Variants in KRT4 observed in about 807,000 individuals in gnomAD.
KRT4 encodes the protein keratin 4.
Under a neutral mutation model 50.6 loss-of-function variants are expected in KRT4, and 47 were observed. The observed-to-expected ratio is 0.93, with a 90% confidence interval of 0.73 to 1.18. The LOEUF (loss-of-function observed/expected upper bound fraction) is 1.18. Ranked by LOEUF, KRT4 falls within the 50% of genes most tolerant of loss-of-function variation. KRT4 has a pLI of 0.00. For missense variants in KRT4, 651 were observed against 645.7 expected (o/e 1.01, Z -0.09); for synonymous variants, 254 against 251.2 (o/e 1.01, Z -0.10).
chr12:52,810,968 A>G, intron 2 of KRT4, 152 bp from the exon 3 acceptor site: 1 of 683,958 alleles, frequency 1.5e-6, no homozygotes. Flanking sequence ...TATTCATTTA[A>G]CCTATATTCA....
In KRT4 at chr12:52,807,768, G is replaced by A. The variant is rs1939827246; in HGVS notation, c.1222C>T (p.Leu408=). 6.2e-7 allele frequency: 1 copy of A among 1,614,196 alleles called. No individual in the cohort carries two copies. Among genetic ancestry groups the A allele is most frequent in the Non-Finnish European group, 8.5e-7 (1 of 1,180,032 alleles). The change falls in exon 7 of 9, where the codon CTG becomes TTG. Residue 408 remains leucine, a synonymous_variant. Coordinates refer to ENST00000551956, the MANE Select transcript of KRT4 (RefSeq NM_002272.4). ...HSKRVELEAA[L]QQAKEELARM... ...GCCAGCTCCTCCTTGGCCTGCTGCA[G>A]GGCAGCCTCCAGCTCTACGCGCTTG...
At position 52,813,720 on chromosome 12, in the gene KRT4, G is replaced by A. The variant is rs1019943722; in HGVS notation, c.339C>T (p.Thr113=). ...VCPAGGIQEV[T]INQSLLTPLH... is the part of the protein sequence containing the mutation. ...GGGGGGTGAGCAAGCTCTGGTTGATGGTGACCTCCTGAATTCCCCCAGCGG... is the reference window on the plus strand; with the variant it reads ...GGGGGGTGAGCAAGCTCTGGTTGATAGTGACCTCCTGAATTCCCCCAGCGG... The change falls in exon 1 of 9, where the codon ACC becomes ACT. Residue 113 remains threonine, a synonymous_variant. Transcript: ENST00000551956. 8.1e-7 allele frequency: 1 copy of A among 1,234,972 alleles called. No individual in the cohort carries two copies. The highest frequency in any genetic ancestry group is 2.6e-5 in the Admixed American group (1 of 39,000). 76.5% of individuals were successfully genotyped at this position (1,234,972 alleles called of 1,614,324 possible). A position where few individuals can be genotyped will look rare whatever the true frequency, so the allele number is the denominator to read the frequency against.
Position 52,806,791 on chromosome 12 carries a change from T to C in KRT4, c.*278A>G. 1 of 521,276 alleles carries C rather than the reference T, an allele frequency of 1.9e-6. No homozygotes were observed. The highest frequency in any genetic ancestry group is 3.5e-6 in the Non-Finnish European group (1 of 287,328). The allele number at this position is 521,276 out of a possible 1,614,324, so 32.3% of individuals were successfully genotyped here. ...CTGGAGATGACACTCCTGGTCATTT[T>C]CTTCTCTGTCCATGGGAGGTGAGAG... On this transcript the variant is annotated 3_prime_UTR_variant, in exon 9 of 9. Coordinates refer to ENST00000551956, the MANE Select transcript of KRT4 (RefSeq NM_002272.4).
rs926831896 is a variant in KRT4, at chr12:52,808,614, T to A, written c.999+72A>T. On this transcript the variant is annotated intron_variant, in intron 5 of 8. Coordinates refer to ENST00000551956, the MANE Select transcript of KRT4 (RefSeq NM_002272.4). ...ACTTCTATTGGGCTTGAGCTAATGATCACCTGTTCACAGACATCAAAAGCA... is the reference window on the plus strand; with the variant it reads ...ACTTCTATTGGGCTTGAGCTAATGAACACCTGTTCACAGACATCAAAAGCA... The A allele has an allele frequency of 7.7e-6, 12 of 1,556,738 alleles. No individual in the cohort carries two copies. In the African/African-American group the frequency reaches 1.2e-4, roughly 16 times the overall value.
At position 52,812,662 on chromosome 12, in the gene KRT4, T is replaced by TA. The variant is rs370959403; in HGVS notation, c.463-686dup. Among the ~76,000 whole-genome samples, 621 of 152,222 alleles carry TA rather than the reference T, an allele frequency of 4.1e-3. 3 individuals are homozygous for TA. The highest frequency in any genetic ancestry group is 0.014 in the African/African-American group (574 of 41,514). On this transcript the variant is annotated intron_variant, in intron 1 of 8. Transcript: ENST00000551956. Reference sequence around the variant, plus strand: ...CCGATCACATTTTGAACCCAAAAGGTAAAATGAGATGAGATGAGACAAGGA... The same window carrying TA: ...CCGATCACATTTTGAACCCAAAAGGTAAAAATGAGATGAGATGAGACAAGGA...
At chr12:52,812,014 C>A in intron 1 of KRT4, 37 bp from the exon 2 acceptor site, 1 of 1,559,888 alleles carries the variant, frequency 6.4e-7, no homozygotes, top group East Asian at 2.3e-5. Context: ...TGATGAGGGC[C>A]TGAAGTGTGG....
intron 8 of KRT4, 22 bp downstream of exon 8, chr12:52,807,337 A>C: frequency 1.2e-6 from 2 of 1,614,206 alleles, no homozygotes; most frequent in Non-Finnish European, 1.7e-6. Flanking sequence ...GAACAACTAC[A>C]GCAGGCGTGG....
chr12:52,808,815 C>T lies in KRT4; in HGVS notation c.870G>A (p.Thr290=), dbSNP rs189596654. 5,193 of 1,614,216 alleles carry T rather than the reference C, an allele frequency of 3.2e-3. 18 individuals are homozygous for T. The highest frequency in any genetic ancestry group is 3.5e-3 in the Non-Finnish European group (4,112 of 1,180,024). The part of the protein sequence containing the change: ...LSQMQTHVSD[T]SVVLSMDNNR... ...TGTTGTCCATGGAAAGGACCACGGA[C>T]GTGTCGCTGACATGGGTCTGCATCT... The change falls in exon 5 of 9, where the codon ACG becomes ACA. Residue 290 remains threonine (T), a synonymous_variant. Coordinates refer to ENST00000551956, the MANE Select transcript of KRT4 (RefSeq NM_002272.4).
At chr12:52,809,116 CA>C (rs1163810616) in intron 4 of KRT4, 1 of 617,448 alleles carries the variant, frequency 1.6e-6, no homozygotes, top group Non-Finnish European at 2.9e-6. Flanking sequence ...TCCATTTCAC[CA>C]GAAAAAAAAT....
At chr12:52,809,554 C>A (rs1939871078) in intron 3 of KRT4, 76 bp from the exon 4 acceptor site, 4 of 993,232 alleles carry the variant, frequency 4.0e-6, no homozygotes, top group Middle Eastern at 2.1e-4. Context: ...GTGACACCGA[C>A]AGGTGTTCTC....
chr12:52,807,289 T>C, intron 8 of KRT4, 39 bp from the exon 9 acceptor site: 5 of 1,614,104 alleles, frequency 3.1e-6, no homozygotes, highest in Non-Finnish European at 4.2e-6. Flanking sequence ...ATTCCAATGC[T>C]GCCAGCACCC....
rs369207280 is a variant in KRT4, at chr12:52,809,416, G to C, written c.801C>G (p.Asp267Glu). The C allele has an allele frequency of 1.4e-5, 22 of 1,613,908 alleles. No individual in the cohort carries two copies. Among genetic ancestry groups the C allele is most frequent in the Non-Finnish European group, 1.9e-5 (22 of 1,179,898 alleles). The change falls in exon 4 of 9, where the codon GAC becomes GAG. Residue 267 changes from aspartate (D) to glutamate (E), a missense_variant. Coordinates refer to ENST00000551956, the MANE Select transcript of KRT4 (RefSeq NM_002272.4). ...ELEAKVDSLN[D>E]EINFLKVLYD... is the part of the protein sequence containing the mutation. The stretch of plus-strand genomic sequence containing the variant: ...AGAGGACCTTCAGGAAGTTGATCTC[G>C]TCATTAAGACTGTCCACCTTGGCCT...
rs7956809 is a variant in KRT4 at position 52,808,399 on chromosome 12, C to A, written c.1020G>T (p.Ser340=). The A allele has an allele frequency of 1.7e-5, 28 of 1,613,800 alleles. No individual in the cohort carries two copies. Among genetic ancestry groups the A allele is most frequent in the Admixed American group, 5.0e-5 (3 of 59,998 alleles). The change falls in exon 6 of 9, where the codon TCG becomes TCT. Residue 340 remains serine (S), a synonymous_variant. Coordinates refer to ENST00000551956, the MANE Select transcript of KRT4 (RefSeq NM_002272.4). ...TCAGGTTGTCACCATGTTGGTCAACCGAGATCTGGAGCTGCTGGACCTAAG... is the reference window on the plus strand; with the variant it reads ...TCAGGTTGTCACCATGTTGGTCAACAGAGATCTGGAGCTGCTGGACCTAAG... ...YQTKVQQLQI[S]VDQHGDNLKN...
At chr12:52,811,687 C>T in intron 2 of KRT4, 76 bp downstream of exon 2, 1 of 1,246,560 alleles carries the variant, frequency 8.0e-7, no homozygotes, top group Non-Finnish European at 1.2e-6. Flanking sequence ...TTCTAAGCCA[C>T]TGGAGAGAGC....
At chr12:52,809,203 T>C (rs1177200158) in intron 4 of KRT4, 180 bp downstream of exon 4, 2 of 682,316 alleles carry the variant, frequency 2.9e-6, no homozygotes, top group Admixed American at 2.1e-5. Context: ...CCACATCTGG[T>C]TCTAAGAATC....
chr12:52,808,754 C>T lies in KRT4; in HGVS notation c.931G>A (p.Val311Ile). 6.2e-7 allele frequency: 1 copy of T among 1,614,192 alleles called. No individual in the cohort carries two copies. Among genetic ancestry groups the T allele is most frequent in the Non-Finnish European group, 8.5e-7 (1 of 1,180,038 alleles). Reference sequence around the variant, plus strand: ...GCAATCTCCTCGTACTGGGCACGGACCTCGGCAATAATGCTGTCCAGGTCC... The same window carrying T: ...GCAATCTCCTCGTACTGGGCACGGATCTCGGCAATAATGCTGTCCAGGTCC... ...NLDLDSIIAE[V>I]RAQYEEIAQR... The change falls in exon 5 of 9, where the codon GTC (valine) becomes ATC (isoleucine). Residue 311 changes from valine (V) to isoleucine (I), a missense_variant. Coordinates refer to ENST00000551956, the MANE Select transcript of KRT4 (RefSeq NM_002272.4).
Position 52,813,888 on chromosome 12 carries a change from C to T in KRT4, c.171G>A (p.Gly57=). 2.7e-6 allele frequency: 3 copies of T among 1,122,442 alleles called. No homozygotes were observed. The highest frequency in any genetic ancestry group is 3.3e-6 in the Non-Finnish European group (3 of 915,060). 69.5% of individuals were successfully genotyped at this position (1,122,442 alleles called of 1,614,324 possible). A position where few individuals can be genotyped will look rare whatever the true frequency, so the allele number is the denominator to read the frequency against. Residue 57 remains glycine (G), a synonymous_variant, in exon 1 of 9, where the codon GGG becomes GGA. Transcript: ENST00000551956. ...CCACACTCATGGAGATGCTTTTGTTCCCCCTGAGGTTGTAGAGGCTTCTGC... is the reference window on the plus strand; with the variant it reads ...CCACACTCATGGAGATGCTTTTGTTTCCCCTGAGGTTGTAGAGGCTTCTGC... ...FGSRSLYNLR[G]NKSISMSVAG...
At chr12:52,809,049 T>A in intron 4 of KRT4, 199 bp from the exon 5 acceptor site, 2 of 677,876 alleles carry the variant, frequency 3.0e-6, no homozygotes, top group Non-Finnish European at 5.3e-6. Flanking sequence ...CCAGGAACCA[T>A]AAGCCACTCT....
Position 52,814,038 on chromosome 12 carries a change from A to C in KRT4, c.21T>G (p.Cys7Trp). MIARQQ[C>W]VRGGPRGFSC... ...TGAAGCCCCGGGGCCCGCCTCGGAC[A>C]CACTGCTGTCTGGCAATCATGGCTG... Residue 7 changes from cysteine (C) to tryptophan (W), a missense_variant, in exon 1 of 9, where the codon TGT (cysteine) becomes TGG (tryptophan). Physicochemically the swap from Cys to Trp is radical, Grantham distance 215 (BLOSUM62 -2). Transcript: ENST00000551956. 1 of 1,613,814 alleles carries C rather than the reference A, an allele frequency of 6.2e-7. No individual in the cohort carries two copies. The highest frequency in any genetic ancestry group is 8.5e-7 in the Non-Finnish European group (1 of 1,179,770).
Sources: gnomAD v4.1 joint callset for allele counts (sites outside exome capture counted in the v4.1 genomes callset) on GRCh38, gnomAD v4.1.1 for gene constraint, MANE v1.5 for transcripts, NCBI Gene and HGNC (gene_info 2026-07-23, HGNC 2026-07-21) for gene names.